The following ZC4H2 variants were observed in gnomAD, a reference collection of about 807,000 sequenced individuals.
The protein encoded by ZC4H2 is zinc finger C4H2 domain-containing protein.
For synonymous variants in ZC4H2, 84 were observed against 66.3 expected (o/e 1.27, Z -1.30); for missense variants, 137 against 173.9 (o/e 0.79, Z 1.19).
chrX:65,017,452 A>C (rs1259046848), intron 1 of ZC4H2, among the ~76,000 whole-genome samples: 1 of 112,862 alleles, frequency 8.9e-6, no homozygotes, highest in African/African-American at 3.2e-5. Context: ...ACATTTGAAC[A>C]ATATGAAACC....
intron 1 of ZC4H2, among the ~76,000 whole-genome samples, chrX:64,990,036 T>C (rs1932279249): frequency 8.9e-6 from 1 of 112,002 alleles, no homozygotes; most frequent in Non-Finnish European, 1.9e-5. Flanking sequence ...CCTGGACATT[T>C]ACCCCAGAAA....
intron 1 of ZC4H2, among the ~76,000 whole-genome samples, chrX:64,973,864 A>C (rs1483763410): frequency 9.1e-6 from 1 of 110,181 alleles, no homozygotes; most frequent in Non-Finnish European, 1.9e-5. Context: ...TTTCCTTTGT[A>C]GCTTTTGTTT....
chrX:64,944,141 C>CTTTTTTTTTT (rs746540220), intron 1 of ZC4H2, among the ~76,000 whole-genome samples: 1 of 89,175 alleles, frequency 1.1e-5, no homozygotes, highest in Non-Finnish European at 2.2e-5. Flanking sequence ...TTTCTTTTTT[C>CTTTTTTTTTT]TTTTTTTTTT....
chrX:65,030,518 T>C (rs1453783464), intron 1 of ZC4H2, among the ~76,000 whole-genome samples: 3 of 112,381 alleles, frequency 2.7e-5, no homozygotes, highest in Non-Finnish European at 5.6e-5. Context: ...AATACATCTG[T>C]CAATTTATGA....
chrX:64,996,024 C>T (rs1053554737), intron 1 of ZC4H2, among the ~76,000 whole-genome samples: 1 of 111,181 alleles, frequency 9.0e-6, no homozygotes, highest in Non-Finnish European at 1.9e-5. Flanking sequence ...ATTTAGAGAG[C>T]CACACTTATG....
intron 1 of ZC4H2, among the ~76,000 whole-genome samples, chrX:65,019,169 A>G (rs1932817362): frequency 8.9e-6 from 1 of 111,922 alleles, no homozygotes; most frequent in East Asian, 2.8e-4. Context: ...CACCCAGGAC[A>G]GCATTCAAGG....
chrX:65,017,456 T>A (rs973552023), intron 1 of ZC4H2, among the ~76,000 whole-genome samples: 1 of 112,771 alleles, frequency 8.9e-6, no homozygotes, highest in African/African-American at 3.2e-5. Flanking sequence ...TTGAACAATA[T>A]GAAACCACTC....
intron 1 of ZC4H2, among the ~76,000 whole-genome samples, chrX:64,997,840 A>T (rs1258756145): frequency 9.0e-6 from 1 of 111,017 alleles, no homozygotes. Context: ...TTAGTCTCAA[A>T]CTCCAGGGTT....
intron 1 of ZC4H2, among the ~76,000 whole-genome samples, chrX:64,942,644 A>G (rs1930343494): frequency 9.0e-6 from 1 of 111,009 alleles, no homozygotes; most frequent in East Asian, 2.8e-4. Context: ...ATCAATGTCT[A>G]TGCAAGGGAC....
chrX:64,923,733 C>T (rs1199389615), intron 1 of ZC4H2, among the ~76,000 whole-genome samples: 2 of 102,613 alleles, frequency 1.9e-5, no homozygotes, highest in Admixed American at 1.1e-4. Flanking sequence ...TGGGTGTTAT[C>T]CCATTTGTAG....
chrX:65,009,717 C>A (rs959345243), intron 1 of ZC4H2, among the ~76,000 whole-genome samples: 2 of 111,954 alleles, frequency 1.8e-5, no homozygotes, highest in Non-Finnish European at 3.8e-5. Flanking sequence ...ACTGCATGTG[C>A]ATCCATACAC....
At chrX:64,951,900 C>T (rs1930860737) in intron 1 of ZC4H2, among the ~76,000 whole-genome samples, 1 of 111,360 alleles carries the variant, frequency 9.0e-6, no homozygotes, top group Admixed American at 9.5e-5. Flanking sequence ...AATGGTAATG[C>T]CTAGGTTTTC....
chrX:65,006,159 C>G (rs1197429307), intron 1 of ZC4H2, among the ~76,000 whole-genome samples: 1 of 111,578 alleles, frequency 9.0e-6, no homozygotes, highest in Non-Finnish European at 1.9e-5. Flanking sequence ...GGCGATTCCT[C>G]AAGGATCTAG....
chrX:64,917,924 T>C (rs1385620666), intron 4 of ZC4H2, 28 bp from the exon 5 acceptor site: 1 of 1,186,938 alleles, frequency 8.4e-7, no homozygotes. Context: ...AAAAAGAAAG[T>C]TAGTAGTCAG....
intron 1 of ZC4H2, among the ~76,000 whole-genome samples, chrX:64,924,403 T>C (rs753095414): frequency 1.8e-5 from 2 of 112,308 alleles, no homozygotes; most frequent in African/African-American, 3.2e-5. Context: ...CAGGCATTCA[T>C]TGTACTAGGT....
Position 64,916,239 on chromosome X carries a change from A to G in ZC4H2, c.*1544T>C, listed in dbSNP as rs1408246320. 9.0e-6 allele frequency: 1 copy of G among 111,375 alleles called. No individual in the cohort carries two copies. Among genetic ancestry groups the G allele is most frequent in the Non-Finnish European group, 1.9e-5 (1 of 53,112 alleles). 9.2% of individuals were successfully genotyped at this position (111,375 alleles called of 1,213,427 possible). Reference sequence around the variant, plus strand: ...CAAATACAATCATTTATATTAAGCAACTTGCATAGGTACCTGGCACAGAGT... The same window carrying G: ...CAAATACAATCATTTATATTAAGCAGCTTGCATAGGTACCTGGCACAGAGT... On this transcript the variant is annotated 3_prime_UTR_variant, in exon 5 of 5. Coordinates refer to ENST00000374839, the MANE Select transcript of ZC4H2 (RefSeq NM_018684.4).
intron 1 of ZC4H2, among the ~76,000 whole-genome samples, chrX:65,026,428 C>T (rs1020969837): frequency 1.8e-5 from 2 of 111,458 alleles, no homozygotes; most frequent in African/African-American, 3.3e-5. Flanking sequence ...AGGAATTTAG[C>T]GGCCGGGTGC....
intron 1 of ZC4H2, among the ~76,000 whole-genome samples, chrX:65,021,382 C>T (rs1022334457): frequency 1.4e-4 from 16 of 111,138 alleles, no homozygotes; most frequent in Non-Finnish European, 3.0e-4. Context: ...CAAAACCTCA[C>T]AACTATATGG....
chrX:64,942,056 G>A (rs1930311784), intron 1 of ZC4H2, among the ~76,000 whole-genome samples: 1 of 111,387 alleles, frequency 9.0e-6, no homozygotes, highest in African/African-American at 3.3e-5. Context: ...ATTAATTATT[G>A]CCTCATTTTC....
Sources: allele counts gnomAD v4.1 joint callset (sites outside exome capture counted in the v4.1 genomes callset), GRCh38; gene constraint gnomAD v4.1.1; transcripts MANE v1.5; gene names NCBI Gene and HGNC (gene_info 2026-07-23, HGNC 2026-07-21).